Variants in LRRTM4 observed in about 807,000 individuals in gnomAD.
LRRTM4 encodes the protein leucine rich repeat transmembrane neuronal 4.
Under a neutral mutation model 47.6 loss-of-function variants are expected in LRRTM4, and 25 were observed. The ratio of observed to expected loss-of-function variants is 0.53; its 90% confidence interval spans 0.38 to 0.73. The LOEUF is 0.73. LRRTM4 is among the 30% of genes least tolerant of loss of function. The probability of loss-of-function intolerance (pLI) is 0.00; values close to 1 mark genes in which losing one functional copy is unlikely to be tolerated. For synonymous variants in LRRTM4, 311 were observed against 269.5 expected, an observed-to-expected ratio of 1.15 and a Z score of -1.51; for missense variants, 638 against 713.4, an observed-to-expected ratio of 0.89 and a Z score of 1.20.
chr2:77,224,422 C>T (rs1674741136), intron 3 of LRRTM4, among the ~76,000 whole-genome samples: 1 of 152,128 alleles, frequency 6.6e-6, no homozygotes, highest in Admixed American at 6.6e-5. Flanking sequence ...AGCGAACAGG[C>T]AACCTACAGA....
chr2:77,012,109 C>G (rs1057087648), intron 3 of LRRTM4, among the ~76,000 whole-genome samples: 2 of 152,016 alleles, frequency 1.3e-5, no homozygotes, highest in African/African-American at 4.8e-5. Flanking sequence ...CCAATGCAAA[C>G]CTGAAACCAT....
At chr2:76,971,946 G>C (rs564462656) in intron 3 of LRRTM4, among the ~76,000 whole-genome samples, 2 of 152,036 alleles carry the variant, frequency 1.3e-5, no homozygotes, top group Non-Finnish European at 2.9e-5. Flanking sequence ...TGACAGTGCT[G>C]TATTTCATTG....
At chr2:77,000,959 T>G (rs1677402287) in intron 3 of LRRTM4, among the ~76,000 whole-genome samples, 1 of 152,126 alleles carries the variant, frequency 6.6e-6, no homozygotes, top group Non-Finnish European at 1.5e-5. Context: ...AGAAGCTACC[T>G]TATACCTCAG....
intron 3 of LRRTM4, among the ~76,000 whole-genome samples, chr2:77,280,227 G>T (rs1414500954): frequency 6.6e-6 from 1 of 151,926 alleles, no homozygotes; most frequent in East Asian, 1.9e-4. Context: ...AAGGAATGTG[G>T]GCAGCCTCTA....
At chr2:76,807,906 T>TTTCC (rs1229132234) in intron 3 of LRRTM4, among the ~76,000 whole-genome samples, 2 of 134,008 alleles carry the variant, frequency 1.5e-5, no homozygotes, top group Middle Eastern at 4.0e-3. Context: ...TTTACTTTTC[T>TTTCC]TTCTTTTCTT....
At chr2:77,336,871 A>C (rs1671187014) in intron 3 of LRRTM4, among the ~76,000 whole-genome samples, 1 of 152,146 alleles carries the variant, frequency 6.6e-6, no homozygotes, top group African/African-American at 2.4e-5. Flanking sequence ...CACCACAGAA[A>C]TCAGACGGGA....
intron 3 of LRRTM4, among the ~76,000 whole-genome samples, chr2:76,796,078 A>C (rs1402559273): frequency 2.3e-5 from 3 of 130,248 alleles, no homozygotes; most frequent in East Asian, 2.5e-4. Flanking sequence ...AAATCGGGTC[A>C]CTCCCACCCG....
chr2:77,063,144 G>C (rs1265812545), intron 3 of LRRTM4, among the ~76,000 whole-genome samples: 1 of 151,354 alleles, frequency 6.6e-6, no homozygotes, highest in Non-Finnish European at 1.5e-5. Flanking sequence ...TTTTTTAGGA[G>C]AGACAGGGTT....
At chr2:76,793,565 G>T (rs757070374) in intron 3 of LRRTM4, among the ~76,000 whole-genome samples, 1 of 150,528 alleles carries the variant, frequency 6.6e-6, no homozygotes, top group Non-Finnish European at 1.5e-5. Flanking sequence ...AAGCCCCCTG[G>T]TAATAATGTA....
chr2:77,047,021 T>C (rs1401742644), intron 3 of LRRTM4, among the ~76,000 whole-genome samples: 2 of 152,076 alleles, frequency 1.3e-5, no homozygotes, highest in Admixed American at 1.3e-4. Context: ...CATTCTGCTA[T>C]AATTTGGTAG....
intron 3 of LRRTM4, among the ~76,000 whole-genome samples, chr2:76,897,503 G>T (rs564798492): frequency 3.0e-4 from 45 of 152,204 alleles, no homozygotes; most frequent in African/African-American, 1.0e-3. Context: ...TATGACAAAT[G>T]TGCCTTTTAT....
chr2:76,973,017 C>A (rs1338408011), intron 3 of LRRTM4, among the ~76,000 whole-genome samples: 1 of 151,828 alleles, frequency 6.6e-6, no homozygotes, highest in Non-Finnish European at 1.5e-5. Context: ...TACCATTTAA[C>A]CAAATAAATA....
intron 3 of LRRTM4, among the ~76,000 whole-genome samples, chr2:77,267,279 C>G (rs1213117279): frequency 6.6e-6 from 1 of 152,182 alleles, no homozygotes; most frequent in Non-Finnish European, 1.5e-5. Context: ...TAGAGGACTA[C>G]AGACTGGGTA....
chr2:76,964,039 G>C (rs1369239805), intron 3 of LRRTM4, among the ~76,000 whole-genome samples: 1 of 150,576 alleles, frequency 6.6e-6, no homozygotes, highest in African/African-American at 2.4e-5. Flanking sequence ...ATTTTAATAA[G>C]ACAAATAACT....
At chr2:77,436,178 G>C (rs1200360481) in intron 3 of LRRTM4, among the ~76,000 whole-genome samples, 1 of 151,886 alleles carries the variant, frequency 6.6e-6, no homozygotes, top group Non-Finnish European at 1.5e-5. Context: ...TATTCTTATG[G>C]GACTATGAGA....
intron 3 of LRRTM4, among the ~76,000 whole-genome samples, chr2:76,780,892 T>C (rs1264372532): frequency 6.7e-6 from 1 of 150,076 alleles, no homozygotes; most frequent in South Asian, 2.1e-4. Flanking sequence ...TTGTGGTTTT[T>C]ATCTACTTTT....
intron 3 of LRRTM4, among the ~76,000 whole-genome samples, chr2:77,068,566 T>C (rs1450250558): frequency 1.3e-5 from 2 of 152,226 alleles, no homozygotes; most frequent in Admixed American, 6.5e-5. Flanking sequence ...ATATGTGACA[T>C]TTTCTGTCTG....
At chr2:77,139,292 C>T (rs1672045209) in intron 3 of LRRTM4, among the ~76,000 whole-genome samples, 1 of 152,150 alleles carries the variant, frequency 6.6e-6, no homozygotes, top group South Asian at 2.1e-4. Flanking sequence ...TAGTGGGCCT[C>T]ATCCCTGGGA....
chr2:77,140,170 A>G (rs1159887843), intron 3 of LRRTM4, among the ~76,000 whole-genome samples: 1 of 152,154 alleles, frequency 6.6e-6, no homozygotes, highest in African/African-American at 2.4e-5. Flanking sequence ...TTGCCAAGAC[A>G]ATCCTAAACC....
Sources: gnomAD v4.1 joint callset for allele counts (sites outside exome capture counted in the v4.1 genomes callset) on GRCh38, gnomAD v4.1.1 for gene constraint, MANE v1.5 for transcripts, NCBI Gene and HGNC (gene_info 2026-07-23, HGNC 2026-07-21) for gene names.